The following THSD4 variants were observed in gnomAD, a reference collection of about 807,000 sequenced individuals.
THSD4 encodes thrombospondin type-1 domain-containing protein 4.
In THSD4, 69 loss-of-function variants were observed where a neutral mutation model predicts 119.0. That is an observed-to-expected ratio of 0.58 (90% CI 0.48 to 0.71). The LOEUF (loss-of-function observed/expected upper bound fraction) is 0.71. Among genes scored for constraint, THSD4 ranks in the 30% least tolerant of loss-of-function variants. THSD4 has a pLI of 0.00. For synonymous variants in THSD4, 524 were observed against 540.4 expected, an observed-to-expected ratio of 0.97 and a Z score of 0.42; for missense variants, 1,393 against 1,391.1, an observed-to-expected ratio of 1.00 and a Z score of -0.02.
chr15:71,530,189 C>T (rs537573775), intron 7 of THSD4, among the ~76,000 whole-genome samples: 1 of 152,228 alleles, frequency 6.6e-6, no homozygotes, highest in East Asian at 1.9e-4. Context: ...GTTCTGTATG[C>T]AAGCTGGAAG....
At chr15:71,308,152 A>T (rs2045058337) in intron 6 of THSD4, among the ~76,000 whole-genome samples, 1 of 152,154 alleles carries the variant, frequency 6.6e-6, no homozygotes, top group African/African-American at 2.4e-5. Flanking sequence ...GACATACAAA[A>T]ACACTCTTAT....
chr15:71,206,200 C>T (rs1272462402), intron 3 of THSD4, among the ~76,000 whole-genome samples: 8 of 152,092 alleles, frequency 5.3e-5, no homozygotes, highest in Admixed American at 2.0e-4. Context: ...TTAGCAGAGA[C>T]GGGGTTTCAC....
intron 11 of THSD4, among the ~76,000 whole-genome samples, chr15:71,744,528 C>T (rs995011283): frequency 5.3e-5 from 8 of 152,198 alleles, no homozygotes; most frequent in Admixed American, 5.2e-4. Context: ...GAATCTTCTA[C>T]TTCTGTGCTT....
At chr15:71,505,208 T>G (rs559752832) in intron 7 of THSD4, among the ~76,000 whole-genome samples, 4 of 152,338 alleles carry the variant, frequency 2.6e-5, no homozygotes, top group Admixed American at 2.6e-4. Flanking sequence ...CTTGCAGGAT[T>G]ACACTAGGTA....
rs543716618 is a variant in THSD4 at position 71,639,744 on chromosome 15, G to GA, written c.1153-20785dup. Among the ~76,000 whole-genome samples, 127 of 151,766 alleles carry GA rather than the reference G, an allele frequency of 8.4e-4. No homozygotes were observed. In the Middle Eastern group the frequency reaches 0.01, roughly 12 times the overall value. The stretch of plus-strand genomic sequence containing the variant: ...TTATTTTATGGTTTTGCATAGTCCT[G>GA]ACTCACTGCCTACATATCCCTCTTG... On this transcript the variant is annotated intron_variant, in intron 7 of 17. Transcript: ENST00000261862.
At chr15:71,456,761 C>T (rs1052275272) in intron 7 of THSD4, among the ~76,000 whole-genome samples, 3 of 152,180 alleles carry the variant, frequency 2.0e-5, no homozygotes, top group Non-Finnish European at 4.4e-5. Flanking sequence ...TAAATTCTCT[C>T]CATTTTCACC....
rs531613500 is a variant in THSD4 at position 71,250,809 on chromosome 15, G to A, written c.913-5804G>A. ...TATTTAAAAATCTATGATTGGCCTG[G>A]GTGAAAGGCTGGGCTTAGTGTCATA... On this transcript the variant is annotated intron_variant, in intron 5 of 17. Coordinates refer to ENST00000261862, the MANE Select transcript of THSD4 (RefSeq NM_024817.3). 1.2e-4 allele frequency among the ~76,000 whole-genome samples: 18 copies of A among 152,188 alleles called. 1 individual carries two copies. In the South Asian group the frequency reaches 3.1e-3, roughly 26 times the overall value.
intron 8 of THSD4, among the ~76,000 whole-genome samples, chr15:71,713,900 A>G (rs1312334802): frequency 6.6e-6 from 1 of 152,180 alleles, no homozygotes; most frequent in Non-Finnish European, 1.5e-5. Flanking sequence ...ACAATGTTTC[A>G]GAACCTGTGA....
At chr15:71,200,358 C>T (rs59098440) in intron 3 of THSD4, among the ~76,000 whole-genome samples, 10,606 of 152,138 alleles carry the variant, frequency 0.07, 1,062 homozygotes, top group African/African-American at 0.22. Flanking sequence ...TGGTATGGCT[C>T]AGCGTGCTTT....
upstream of THSD4, among the ~76,000 whole-genome samples, chr15:71,113,079 C>T (rs2040319343): frequency 6.6e-6 from 1 of 152,178 alleles, no homozygotes; most frequent in African/African-American, 2.4e-5. Context: ...GTCTCAGCTA[C>T]CTGGGAGGCC....
chr15:71,398,432 G>T (rs2140480660), intron 6 of THSD4, among the ~76,000 whole-genome samples: 1 of 152,246 alleles, frequency 6.6e-6, no homozygotes, highest in Non-Finnish European at 1.5e-5. Context: ...CAGGAAACTT[G>T]GAGTCAGGGA....
intron 13 of THSD4, among the ~76,000 whole-genome samples, chr15:71,747,686 C>A (rs1311826346): frequency 6.6e-6 from 1 of 152,112 alleles, no homozygotes; most frequent in Non-Finnish European, 1.5e-5. Flanking sequence ...GCAAGACAGT[C>A]AATAAAACTT....
rs138942810 is a variant in THSD4, at chr15:71,154,751, G to A, written c.30-112G>A. 289 of 1,048,302 alleles carry A rather than the reference G, an allele frequency of 2.8e-4. 4 individuals carry two copies. In the African/African-American group the frequency reaches 4.1e-3, roughly 15 times the overall value. The allele number at this position is 1,048,302 out of a possible 1,614,324, so 64.9% of individuals were successfully genotyped here. A position where few individuals can be genotyped will look rare whatever the true frequency, so the allele number is the denominator to read the frequency against. ...TTCACTGGGTCACATCCCAGGGCCT[G>A]GGTTGGGCTGTTCCCCCCCCATCCA... On this transcript the variant is annotated intron_variant, in intron 2 of 17. Transcript: ENST00000261862.
chr15:71,608,321 G>A (rs538533241), intron 7 of THSD4, among the ~76,000 whole-genome samples: 29 of 139,206 alleles, frequency 2.1e-4, no homozygotes, highest in African/African-American at 7.2e-4. Flanking sequence ...AAAGTAGAAA[G>A]AAGAAAATCC....
At chr15:71,397,278 A>G (rs1290173869) in intron 6 of THSD4, among the ~76,000 whole-genome samples, 1 of 152,166 alleles carries the variant, frequency 6.6e-6, no homozygotes, top group Admixed American at 6.5e-5. Flanking sequence ...TTTCACAGCT[A>G]TAATTTCACA....
At position 71,326,958 on chromosome 15, in the gene THSD4, G is replaced by A. The variant is rs150577134; in HGVS notation, c.1015+70243G>A. 8.5e-3 allele frequency among the ~76,000 whole-genome samples: 1,281 copies of A among 150,950 alleles called. 15 individuals are homozygous for A. Among genetic ancestry groups the A allele is most frequent in the African/African-American group, 0.03 (1,220 of 41,238 alleles). ...CGAGGTGGGTGGGTCACCTGAGGCC[G>A]GGAGTTCAAGACTAGCCTGACCAAC... On this transcript the variant is annotated intron_variant, in intron 6 of 17. Coordinates refer to ENST00000261862, the MANE Select transcript of THSD4 (RefSeq NM_024817.3).
rs143345268 is a variant in THSD4 at position 71,461,167 on chromosome 15, G to A, written c.1152+49344G>A. On this transcript the variant is annotated intron_variant, in intron 7 of 17. Coordinates refer to ENST00000261862, the MANE Select transcript of THSD4 (RefSeq NM_024817.3). Reference sequence around the variant, plus strand: ...TGCAGTCATCTGAAGGCTTAACTGGGGCTGGAAGATTTGTTTGCAAGATGT... The same window carrying A: ...TGCAGTCATCTGAAGGCTTAACTGGAGCTGGAAGATTTGTTTGCAAGATGT... Among the ~76,000 whole-genome samples, 3 of 152,272 alleles carry A rather than the reference G, an allele frequency of 2.0e-5. No homozygotes were observed. In the East Asian group the frequency reaches 5.8e-4, roughly 29 times the overall value.
intron 7 of THSD4, among the ~76,000 whole-genome samples, chr15:71,639,863 AAAGCC>A (rs2050821699): frequency 6.6e-6 from 1 of 152,082 alleles, no homozygotes; most frequent in South Asian, 2.1e-4. Context: ...AAAGAAAAGA[AAAGCC>A]AAGCCAGAAA....
At chr15:71,583,314 T>C (rs910760531) in intron 7 of THSD4, among the ~76,000 whole-genome samples, 1 of 152,174 alleles carries the variant, frequency 6.6e-6, no homozygotes, top group East Asian at 1.9e-4. Flanking sequence ...TCTTATAGTC[T>C]AGCTAAAGGT....
Sources: allele counts gnomAD v4.1 joint callset (sites outside exome capture counted in the v4.1 genomes callset), GRCh38; gene constraint gnomAD v4.1.1; transcripts MANE v1.5; gene names NCBI Gene and HGNC (gene_info 2026-07-23, HGNC 2026-07-21).